The following ASTN2 variants were observed in gnomAD, a reference collection of about 807,000 sequenced individuals.
The protein encoded by ASTN2 is astrotactin-2.
A neutral mutation model predicts 139.8 loss-of-function variants in ASTN2; 54 were observed. The ratio of observed to expected loss-of-function variants is 0.39; its 90% CI spans 0.31 to 0.48. ASTN2 has a LOEUF of 0.48. Among genes scored for constraint, ASTN2 ranks in the 20% least tolerant of loss-of-function variants. The pLI is 0.95. For missense variants in ASTN2, 1,565 were observed against 1,725.1 expected (o/e 0.91, Z 1.64); for synonymous variants, 756 against 719.5 (o/e 1.05, Z -0.81).
At chr9:116,692,118 G>T (rs1482160419) in intron 16 of ASTN2, among the ~76,000 whole-genome samples, 4 of 152,152 alleles carry the variant, frequency 2.6e-5, no homozygotes, top group African/African-American at 9.7e-5. Flanking sequence ...CTCCAGTTTT[G>T]CTCATGGCCT....
intron 1 of ASTN2, among the ~76,000 whole-genome samples, chr9:117,387,583 T>G (rs1564179006): frequency 6.6e-6 from 1 of 152,122 alleles, no homozygotes; most frequent in Non-Finnish European, 1.5e-5. Flanking sequence ...GAAGTGGGTC[T>G]GTTACATTAG....
At chr9:116,502,719 G>T (rs1849919078) in intron 19 of ASTN2, among the ~76,000 whole-genome samples, 1 of 40,050 alleles carries the variant, frequency 2.5e-5, no homozygotes, top group Non-Finnish European at 5.6e-5. Flanking sequence ...AGGAAGGAAG[G>T]AAGGAAGGAA....
At chr9:116,477,354 G>A (rs1435005401) in intron 20 of ASTN2, among the ~76,000 whole-genome samples, 2 of 151,970 alleles carry the variant, frequency 1.3e-5, no homozygotes, top group Non-Finnish European at 2.9e-5. Flanking sequence ...GAATTGAGTC[G>A]CCAGGCTGCC....
chr9:117,124,232 G>A (rs1367487940), intron 4 of ASTN2, among the ~76,000 whole-genome samples: 1 of 151,966 alleles, frequency 6.6e-6, no homozygotes, highest in African/African-American at 2.4e-5. Flanking sequence ...ACTAACTCAT[G>A]GTAAAAAAGT....
At chr9:116,574,802 A>G (rs999120934) in intron 19 of ASTN2, among the ~76,000 whole-genome samples, 1 of 152,206 alleles carries the variant, frequency 6.6e-6, no homozygotes, top group Non-Finnish European at 1.5e-5. Flanking sequence ...CATCTCTGCT[A>G]TTTTATCTGT....
At chr9:116,619,032 G>A (rs547640028) in intron 18 of ASTN2, among the ~76,000 whole-genome samples, 1 of 152,144 alleles carries the variant, frequency 6.6e-6, no homozygotes, top group African/African-American at 2.4e-5. Context: ...TCACAAAAGG[G>A]GGAAAGGCTC....
intron 3 of ASTN2, among the ~76,000 whole-genome samples, chr9:117,170,330 C>A (rs542439256): frequency 8.3e-4 from 127 of 152,100 alleles, no homozygotes; most frequent in African/African-American, 2.8e-3. Flanking sequence ...CCTTATATGA[C>A]CTCAGTTGCA....
chr9:116,650,544 A>G (rs1376190493), intron 17 of ASTN2, among the ~76,000 whole-genome samples: 1 of 152,218 alleles, frequency 6.6e-6, no homozygotes, highest in Non-Finnish European at 1.5e-5. Context: ...TTATAAGTAA[A>G]AAATGGCCAA....
chr9:117,353,825 C>G (rs1829460008), intron 1 of ASTN2, among the ~76,000 whole-genome samples: 1 of 152,080 alleles, frequency 6.6e-6, no homozygotes, highest in African/African-American at 2.4e-5. Flanking sequence ...TCTATGCATC[C>G]AACTATGTGA....
intron 2 of ASTN2, among the ~76,000 whole-genome samples, chr9:117,236,595 G>A (rs560537647): frequency 1.1e-4 from 16 of 152,250 alleles, no homozygotes; most frequent in East Asian, 7.7e-4. Context: ...GCTCTCAAGC[G>A]CCTGAAATAG....
At chr9:117,078,086 G>A (rs576381819) in intron 5 of ASTN2, among the ~76,000 whole-genome samples, 4 of 152,258 alleles carry the variant, frequency 2.6e-5, no homozygotes, top group African/African-American at 4.8e-5. Flanking sequence ...TCCCAGGTGA[G>A]CTCCTCCCTT....
intron 4 of ASTN2, among the ~76,000 whole-genome samples, chr9:117,101,907 T>C (rs1407329554): frequency 6.6e-6 from 1 of 152,194 alleles, no homozygotes; most frequent in Non-Finnish European, 1.5e-5. Flanking sequence ...GTGGAGACGT[T>C]GGAACCCTCA....
intron 1 of ASTN2, among the ~76,000 whole-genome samples, chr9:117,398,726 G>A (rs1030100095): frequency 1.3e-5 from 2 of 152,114 alleles, no homozygotes; most frequent in Non-Finnish European, 2.9e-5. Flanking sequence ...AGACTTTCAG[G>A]TTTTCCTTTA....
chr9:116,513,189 A>C (rs1050382215), intron 19 of ASTN2, among the ~76,000 whole-genome samples: 3 of 152,186 alleles, frequency 2.0e-5, no homozygotes, highest in Non-Finnish European at 2.9e-5. Flanking sequence ...CTTGTAGGGC[A>C]GGCCTGGTGG....
chr9:116,998,429 AAC>A (rs1588468775), intron 7 of ASTN2, among the ~76,000 whole-genome samples: 1 of 152,296 alleles, frequency 6.6e-6, no homozygotes, highest in African/African-American at 2.4e-5. Flanking sequence ...TTATTTAGCA[AAC>A]ACACACTTTA....
At chr9:116,490,271 G>GAAAAAAAAA (rs1564314339) in intron 19 of ASTN2, among the ~76,000 whole-genome samples, 1 of 2,314 alleles carries the variant, frequency 4.3e-4, no homozygotes, top group African/African-American at 1.4e-3. Flanking sequence ...GTGATAAAAA[G>GAAAAAAAAA]TAAAAAAAAA....
intron 19 of ASTN2, among the ~76,000 whole-genome samples, chr9:116,604,669 G>A (rs1855094639): frequency 6.6e-6 from 1 of 152,188 alleles, no homozygotes; most frequent in Admixed American, 6.5e-5. Flanking sequence ...CTCCATCACA[G>A]CCACTGCTGC....
At chr9:117,107,944 A>T (rs148521113) in intron 4 of ASTN2, among the ~76,000 whole-genome samples, 1 of 152,306 alleles carries the variant, frequency 6.6e-6, no homozygotes, top group Non-Finnish European at 1.5e-5. Flanking sequence ...GTATTCCCTG[A>T]CTACAGGCCC....
At chr9:117,258,834 C>T (rs1833753802) in intron 2 of ASTN2, among the ~76,000 whole-genome samples, 1 of 152,098 alleles carries the variant, frequency 6.6e-6, no homozygotes, top group East Asian at 1.9e-4. Context: ...CTCTGCCTCA[C>T]CTGTATTTTC....
Sources: gnomAD v4.1 joint callset for allele counts (sites outside exome capture counted in the v4.1 genomes callset) on GRCh38, gnomAD v4.1.1 for gene constraint, MANE v1.5 for transcripts, NCBI Gene and HGNC (gene_info 2026-07-23, HGNC 2026-07-21) for gene names.